Variants in MFAP3L observed in about 807,000 individuals in gnomAD.
MFAP3L encodes microfibril associated protein 3 like, also known as microfibrillar-associated protein 3-like.
Under a neutral mutation model 20.0 loss-of-function variants are expected in MFAP3L, and 5 were observed. That is an observed-to-expected ratio of 0.25 (90% CI 0.13 to 0.53). The LOEUF is 0.53. MFAP3L is among the 20% of genes least tolerant of loss of function. The probability of loss-of-function intolerance (pLI) is 0.96; values close to 1 mark genes in which losing one functional copy is unlikely to be tolerated. For missense variants in MFAP3L, 409 were observed against 527.5 expected, an observed-to-expected ratio of 0.78 and a Z score of 2.20; for synonymous variants, 219 against 213.0, an observed-to-expected ratio of 1.03 and a Z score of -0.25.
intron 2 of MFAP3L, among the ~76,000 whole-genome samples, chr4:170,000,535 C>A (rs1157588498): frequency 6.6e-6 from 1 of 152,150 alleles, no homozygotes; most frequent in Non-Finnish European, 1.5e-5. Flanking sequence ...GACTCACAAT[C>A]CCACTTGTAG....
At chr4:170,007,135 T>G (rs1739089430) in intron 1 of MFAP3L, among the ~76,000 whole-genome samples, 1 of 152,192 alleles carries the variant, frequency 6.6e-6, no homozygotes, top group Non-Finnish European at 1.5e-5. Context: ...TAAATTAGCT[T>G]CAGATCATAT....
rs770457784 is a variant in MFAP3L at position 169,987,783 on chromosome 4, GA to G, written c.*3594del. The G allele has an allele frequency of 1.3e-5, 2 of 151,922 alleles. No homozygotes were observed. The highest frequency in any genetic ancestry group is 3.9e-4 in the East Asian group (2 of 5,184). The allele number at this position is 151,922 out of a possible 1,614,324, so 9.4% of individuals were successfully genotyped here. On this transcript the variant is annotated 3_prime_UTR_variant, in exon 3 of 3. Transcript: ENST00000361618. The stretch of plus-strand genomic sequence containing the variant: ...AAATAAAGATCCAAGCATGAGACTT[GA>G]AACATCTTATCAGTCCATTAAAATA...
intron 2 of MFAP3L, among the ~76,000 whole-genome samples, chr4:170,002,757 C>T (rs766678646): frequency 3.3e-5 from 5 of 151,944 alleles, no homozygotes; most frequent in Non-Finnish European, 5.9e-5. Context: ...ATCCACCCAC[C>T]TCGGCCTCCC....
In MFAP3L at chr4:169,988,769, CCGAGAGCATTATGA is replaced by C. The variant is rs1220470849; in HGVS notation, c.*2595_*2608del. On this transcript the variant is annotated 3_prime_UTR_variant, in exon 3 of 3. Coordinates refer to ENST00000361618, the MANE Select transcript of MFAP3L (RefSeq NM_021647.8). ...CCCTTTATGTCAGTTGTTATCAAAA[CCGAGAGCATTATGA>C]TGCCTTAAAGAGGGAGAAAGTTTTG... The C allele has an allele frequency of 6.6e-6, 1 of 152,142 alleles. No individual in the cohort carries two copies. Among genetic ancestry groups the C allele is most frequent in the Non-Finnish European group, 1.5e-5 (1 of 68,002 alleles). 9.4% of individuals were successfully genotyped at this position (152,142 alleles called of 1,614,324 possible).
In MFAP3L at chr4:170,003,812, C is replaced by T. The variant is rs1470774606; in HGVS notation, c.298+1768G>A. 3 of 985,478 alleles carry T rather than the reference C, an allele frequency of 3.0e-6. No individual in the cohort carries two copies. In the African/African-American group the frequency reaches 5.2e-5, roughly 17 times the overall value. The allele number at this position is 985,478 out of a possible 1,614,324, so 61.0% of individuals were successfully genotyped here. A position where few individuals can be genotyped will look rare whatever the true frequency, so the allele number is the denominator to read the frequency against. ...TACCTGGCCTGCAGTGTCTTTGTTA[C>T]CATGGCTATTGCCCTCCATTCACAA... On this transcript the variant is annotated intron_variant, in intron 2 of 2. Coordinates refer to ENST00000361618, the MANE Select transcript of MFAP3L (RefSeq NM_021647.8).
In MFAP3L at chr4:169,987,286, G is replaced by A. The variant is rs1737343358; in HGVS notation, c.*4092C>T. 6.6e-6 allele frequency: 1 copy of A among 152,174 alleles called. No individual in the cohort carries two copies. The highest frequency in any genetic ancestry group is 2.4e-5 in the African/African-American group (1 of 41,438). The allele number at this position is 152,174 out of a possible 1,614,324, so 9.4% of individuals were successfully genotyped here. On this transcript the variant is annotated 3_prime_UTR_variant, in exon 3 of 3. Transcript: ENST00000361618. ...ACCAGTATCTTGATGCTCAAAATAT[G>A]TGAAAATACAATGAGATTTGGTAGA... is the stretch of plus-strand genomic sequence containing the variant.
intron 1 of MFAP3L, among the ~76,000 whole-genome samples, chr4:170,019,741 T>TA: frequency 6.6e-6 from 1 of 152,332 alleles, no homozygotes; most frequent in Non-Finnish European, 1.5e-5. Flanking sequence ...ACCCTTCCCT[T>TA]ACGATCTTCC....
At chr4:170,013,291 G>A (rs2111039947) in intron 1 of MFAP3L, among the ~76,000 whole-genome samples, 1 of 152,138 alleles carries the variant, frequency 6.6e-6, no homozygotes, top group South Asian at 2.1e-4. Flanking sequence ...CATAAATGTT[G>A]GTTAAGCCTG....
At chr4:170,006,055 T>G in intron 1 of MFAP3L, 45 bp from the exon 2 acceptor site, 1 of 1,344,762 alleles carries the variant, frequency 7.4e-7, no homozygotes, top group Non-Finnish European at 9.8e-7. Context: ...ACATTAGCAT[T>G]CATCCATTCA....
chr4:170,012,877 C>T (rs1223798717), intron 1 of MFAP3L, among the ~76,000 whole-genome samples: 2 of 152,096 alleles, frequency 1.3e-5, no homozygotes, highest in Non-Finnish European at 2.9e-5. Context: ...TGTTTAAGCC[C>T]ATGGAACAAC....
chr4:170,026,008 C>T (rs1173093675), intron 1 of MFAP3L, among the ~76,000 whole-genome samples: 1 of 152,100 alleles, frequency 6.6e-6, no homozygotes, highest in Admixed American at 6.5e-5. Flanking sequence ...CGGCAGTCCC[C>T]AAACGGCCAG....
chr4:170,009,022 G>A (rs556199097), intron 1 of MFAP3L, among the ~76,000 whole-genome samples: 2 of 152,162 alleles, frequency 1.3e-5, no homozygotes, highest in Admixed American at 1.3e-4. Flanking sequence ...GACTCTGGAC[G>A]CTGGCAAAAT....
intron 1 of MFAP3L, among the ~76,000 whole-genome samples, 162 bp downstream of exon 1, chr4:170,026,072 C>A (rs1730373516): frequency 6.6e-6 from 1 of 151,786 alleles, no homozygotes; most frequent in South Asian, 2.1e-4. Context: ...AGCCCGCTGC[C>A]CGGACCCTGC....
In MFAP3L at chr4:169,991,786, A is replaced by G. The variant is rs748835898; in HGVS notation, c.822T>C (p.Thr274=). 5 of 1,613,946 alleles carry G rather than the reference A, an allele frequency of 3.1e-6. No homozygotes were observed. The highest frequency in any genetic ancestry group is 3.4e-6 in the Non-Finnish European group (4 of 1,180,030). The change falls in exon 3 of 3, where the codon ACT becomes ACC. Residue 274 remains threonine, a synonymous_variant. Coordinates refer to ENST00000361618, the MANE Select transcript of MFAP3L (RefSeq NM_021647.8). This position sits in a 1 kb window ranked among gnomAD's most constrained non-coding sequence, Gnocchi z 4.9. ...TGTCTGCGGCCTCCTGGCCCTCTGGAGTATGCCTCACAAAATTCTGCCCCT... is the reference window on the plus strand; with the variant it reads ...TGTCTGCGGCCTCCTGGCCCTCTGGGGTATGCCTCACAAAATTCTGCCCCT... ...EEQGQNFVRH[T]PEGQEAADRD...
chr4:169,997,512 C>T (rs764132905), intron 2 of MFAP3L, among the ~76,000 whole-genome samples: 1 of 152,124 alleles, frequency 6.6e-6, no homozygotes. Flanking sequence ...AGGCTATGAA[C>T]AGATCATTGG....
At chr4:170,007,261 C>A (rs1042740277) in intron 1 of MFAP3L, among the ~76,000 whole-genome samples, 2 of 152,156 alleles carry the variant, frequency 1.3e-5, no homozygotes, top group African/African-American at 4.8e-5. Context: ...CAGCTGAAAC[C>A]CTGTGGCGAA....
chr4:170,017,652 G>C (rs1173306746), intron 1 of MFAP3L, among the ~76,000 whole-genome samples: 2 of 152,102 alleles, frequency 1.3e-5, no homozygotes, highest in African/African-American at 2.4e-5. Context: ...TTAAAATTTT[G>C]TTCATAAAAG....
chr4:170,022,605 G>T (rs893929323), intron 1 of MFAP3L, among the ~76,000 whole-genome samples: 1 of 152,088 alleles, frequency 6.6e-6, no homozygotes, highest in Non-Finnish European at 1.5e-5. Flanking sequence ...GCAGTTCTGG[G>T]GCACGGAAGT....
Position 170,005,562 on chromosome 4 carries a change from T to A in MFAP3L, c.298+18A>T, listed in dbSNP as rs768942279. On this transcript the variant is annotated intron_variant, in intron 2 of 2. Transcript: ENST00000361618. ...GTTTATATTTTATTATGACATTTGA[T>A]ACAACTTTAAAGCCTACCTCCTCCT... 1.2e-5 allele frequency: 20 copies of A among 1,607,952 alleles called. No individual in the cohort carries two copies. The highest frequency in any genetic ancestry group is 1.7e-5 in the Non-Finnish European group (20 of 1,175,020).
Sources: allele counts gnomAD v4.1 joint callset (sites outside exome capture counted in the v4.1 genomes callset), GRCh38; gene constraint gnomAD v4.1.1; non-coding constraint Gnocchi (gnomAD v3.1); transcripts MANE v1.5; gene names NCBI Gene and HGNC (gene_info 2026-07-23, HGNC 2026-07-21).